Variants in CELSR2 observed in about 807,000 individuals in gnomAD.
CELSR2 encodes the protein EGF-like protein 2.
In CELSR2, 81 loss-of-function variants were observed where a neutral mutation model predicts 251.6. The ratio of observed to expected loss-of-function variants is 0.32; its 90% CI spans 0.27 to 0.39. The LOEUF (loss-of-function observed/expected upper bound fraction) is 0.39. CELSR2 is among the 10% of genes least tolerant of loss of function. CELSR2 has a pLI of 1.00. For synonymous variants in CELSR2, 1,721 were observed against 1,670.5 expected, an observed-to-expected ratio of 1.03 and a Z score of -0.74; for missense variants, 3,365 against 3,947.7, an observed-to-expected ratio of 0.85 and a Z score of 3.96.
rs2101283890 is a variant in CELSR2, at chr1:109,272,911, A to T, written c.8222A>T (p.Asp2741Val). The change falls in exon 31 of 34, where the codon GAC (aspartate) becomes GTC (valine). Residue 2741 changes from aspartate (D) to valine (V), a missense_variant. This residue lies in a region of CELSR2 where 2,093 missense variants were observed against 2,382.8 expected (regional missense o/e 0.88). Transcript: ENST00000271332. Reference sequence around the variant, plus strand: ...TCCTATGCCTCTACCCACTCATCAGACAGTGAGGAGGAAGAAGAGGAGGAG... The same window carrying T: ...TCCTATGCCTCTACCCACTCATCAGTCAGTGAGGAGGAAGAAGAGGAGGAG... ...SGSYASTHSS[D>V]SEEEEEEEEE... The T allele has an allele frequency of 6.2e-7, 1 of 1,613,930 alleles. No individual in the cohort carries two copies. Among genetic ancestry groups the T allele is most frequent in the South Asian group, 1.1e-5 (1 of 91,074 alleles).
intron 9 of CELSR2, 113 bp downstream of exon 9, chr1:109,263,890 G>A (rs1656107701): frequency 1.4e-6 from 2 of 1,430,454 alleles, no homozygotes; most frequent in Middle Eastern, 2.3e-4. Flanking sequence ...GACATATAGA[G>A]GCCGCTGGAT....
In CELSR2 at chr1:109,273,678, T is replaced by C; in HGVS notation, c.8744+8T>C. 1.9e-6 allele frequency: 1 copy of C among 518,670 alleles called. No individual in the cohort carries two copies. Among genetic ancestry groups the C allele is most frequent in the Non-Finnish European group, 3.3e-6 (1 of 301,284 alleles). 32.1% of individuals were successfully genotyped at this position (518,670 alleles called of 1,614,324 possible). A position where few individuals can be genotyped will look rare whatever the true frequency, so the allele number is the denominator to read the frequency against. ...GGACTCGTCAGGCTCCGAGTGAGTG[T>C]GGCCGGGTGGGCGGGACGGGGTGCA... On this transcript the variant is annotated splice_region_variant and intron_variant, in intron 33 of 33. Coordinates refer to ENST00000271332, the MANE Select transcript of CELSR2 (RefSeq NM_001408.3).
At chr1:109,262,202 C>T in intron 5 of CELSR2, 85 bp from the exon 6 acceptor site, 1 of 1,544,762 alleles carries the variant, frequency 6.5e-7, no homozygotes, top group Non-Finnish European at 8.8e-7. Context: ...TGTGGGTGCA[C>T]ACAGAGGCAC....
chr1:109,262,158 T>C (rs1168070439), intron 5 of CELSR2, 129 bp from the exon 6 acceptor site: 2 of 1,274,190 alleles, frequency 1.6e-6, no homozygotes, highest in African/African-American at 2.9e-5. Context: ...AGCACACGTG[T>C]GTGTATATGC....
Position 109,269,581 on chromosome 1 carries a change from C to T in CELSR2, c.6970C>T (p.His2324Tyr). Reference protein sequence around the residue: ...RTKPICVFWNHSILVSGTGGW... With the variant: ...RTKPICVFWNYSILVSGTGGW... The stretch of plus-strand genomic sequence containing the variant: ...CAAGCCCATCTGTGTCTTCTGGAAC[C>T]ATTCAATCCTGTGAGCCTGCACTGC... Residue 2324 changes from histidine to tyrosine, a missense_variant, in exon 21 of 34, where the codon CAT becomes TAT. Around this residue, in one of 5 missense-constraint regions of CELSR2, gnomAD observed 2,093 missense variants for 2,382.8 expected, o/e 0.88. Coordinates refer to ENST00000271332, the MANE Select transcript of CELSR2 (RefSeq NM_001408.3). The surrounding 1 kb of genome is among the most constrained non-coding windows in gnomAD (Gnocchi z 6.4). 5 of 1,614,104 alleles carry T rather than the reference C, an allele frequency of 3.1e-6. No homozygotes were observed. Among genetic ancestry groups the T allele is most frequent in the Non-Finnish European group, 4.2e-6 (5 of 1,180,002 alleles).
Position 109,272,915 on chromosome 1 carries a change from T to TGAGGAGGAAGAA in CELSR2, c.8235_8246dup (p.Glu2749_Glu2752dup), listed in dbSNP as rs773722162. The stretch of plus-strand genomic sequence containing the variant: ...ATGCCTCTACCCACTCATCAGACAG[T>TGAGGAGGAAGAA]GAGGAGGAAGAAGAGGAGGAGGAAG... On this transcript the variant is annotated inframe_insertion, in exon 31 of 34. Transcript: ENST00000271332. The TGAGGAGGAAGAA allele has an allele frequency of 3.3e-5, 53 of 1,613,006 alleles. No homozygotes were observed. The highest frequency in any genetic ancestry group is 4.0e-5 in the Non-Finnish European group (47 of 1,179,784).
intron 1 of CELSR2, among the ~76,000 whole-genome samples, chr1:109,255,456 C>G (rs1655819757): frequency 6.6e-6 from 1 of 152,204 alleles, no homozygotes; most frequent in Non-Finnish European, 1.5e-5. Context: ...GCCGATGGCT[C>G]CCCTGGAGGC....
intron 33 of CELSR2, 102 bp from the exon 34 acceptor site, chr1:109,273,920 G>A (rs1656451179): frequency 2.0e-6 from 3 of 1,473,218 alleles, no homozygotes; most frequent in Non-Finnish European, 2.9e-6. Context: ...AGCTGGGGGT[G>A]CTTTCCTGTT....
At position 109,250,628 on chromosome 1, in the gene CELSR2, C is replaced by T. The variant is rs187480022; in HGVS notation, c.549C>T (p.Pro183=). 1.2e-6 allele frequency: 2 copies of T among 1,614,000 alleles called. No homozygotes were observed. The highest frequency in any genetic ancestry group is 1.3e-5 in the African/African-American group (1 of 75,038). The change falls in exon 1 of 34, where the codon CCC becomes CCT. Residue 183 remains proline (P), a synonymous_variant. Transcript: ENST00000271332. The surrounding 1 kb of genome is among the most constrained non-coding windows in gnomAD (Gnocchi z 4.4). ...TAAATACAGCCCCCCAGTTCCAGCC[C>T]CCCAGCTACCAGGCCACAGTGCCGG... is the stretch of plus-strand genomic sequence containing the variant. The part of the protein sequence containing the change: ...RNVNTAPQFQ[P]PSYQATVPEN...
rs1655749430 is a variant in CELSR2, at chr1:109,253,219, G to T, written c.3140G>T (p.Gly1047Val). 6.2e-7 allele frequency: 1 copy of T among 1,613,388 alleles called. No individual in the cohort carries two copies. The highest frequency in any genetic ancestry group is 1.3e-5 in the African/African-American group (1 of 74,942). The change falls in exon 1 of 34, where the codon GGC becomes GTC. Residue 1047 changes from glycine (G) to valine (V), a missense_variant. Around this residue, in one of 5 missense-constraint regions of CELSR2, gnomAD observed 505 missense variants for 660.0 expected, o/e 0.77. Coordinates refer to ENST00000271332, the MANE Select transcript of CELSR2 (RefSeq NM_001408.3). Reference sequence around the variant, plus strand: ...AGCAGCTTCCCTGGGGGTGCCATTGGCCGAGTACCTGCCCATGACCCTGAT... The same window carrying T: ...AGCAGCTTCCCTGGGGGTGCCATTGTCCGAGTACCTGCCCATGACCCTGAT... The part of the protein sequence containing the change: ...RSSSFPGGAI[G>V]RVPAHDPDIS...
chr1:109,252,182 T>A lies in CELSR2; in HGVS notation c.2103T>A (p.Asn701Lys), dbSNP rs778894363. ...AGGACACGGCACAGATTGTGGTGAATGTCACCGACGCCAACACCCATCGTC... is the reference window on the plus strand; with the variant it reads ...AGGACACGGCACAGATTGTGGTGAAAGTCACCGACGCCAACACCCATCGTC... ...TRQDTAQIVV[N>K]VTDANTHRPV... is the part of the protein sequence containing the mutation. The change falls in exon 1 of 34, where the codon AAT becomes AAA. Residue 701 changes from asparagine to lysine, a missense_variant. Asn to Lys is a moderately conservative substitution (Grantham distance 94). Coordinates refer to ENST00000271332, the MANE Select transcript of CELSR2 (RefSeq NM_001408.3). This position sits in a 1 kb window ranked among gnomAD's most constrained non-coding sequence, Gnocchi z 4.8. 1.9e-6 allele frequency: 3 copies of A among 1,613,874 alleles called. No homozygotes were observed. The highest frequency in any genetic ancestry group is 2.5e-6 in the Non-Finnish European group (3 of 1,180,036).
Position 109,268,077 on chromosome 1 carries a change from G to T in CELSR2, c.6318+17G>T. 1 of 1,579,480 alleles carries T rather than the reference G, an allele frequency of 6.3e-7. No homozygotes were observed. The highest frequency in any genetic ancestry group is 8.6e-7 in the Non-Finnish European group (1 of 1,162,134). ...TTCACTGAGGTGGGGCTTGGAGGAT[G>T]CAGGGCTGGCTGGTTAGATAGGGGT... On this transcript the variant is annotated intron_variant, in intron 17 of 33. Transcript: ENST00000271332.
rs1265447152 is a variant in CELSR2, at chr1:109,273,471, G to A, written c.8545G>A (p.Glu2849Lys). 17 of 1,612,436 alleles carry A rather than the reference G, an allele frequency of 1.1e-5. No individual in the cohort carries two copies. Among genetic ancestry groups the A allele is most frequent in the African/African-American group, 2.7e-5 (2 of 74,922 alleles). The change falls in exon 33 of 34, where the codon GAG (glutamate) becomes AAG (lysine). Residue 2849 changes from glutamate to lysine, a missense_variant. Physicochemically the swap from Glu to Lys is moderately conservative, Grantham distance 56. Coordinates refer to ENST00000271332, the MANE Select transcript of CELSR2 (RefSeq NM_001408.3). The stretch of plus-strand genomic sequence containing the variant: ...GAAGAAGTGTCTGCCCACCATCAGC[G>A]AGAAGAGCAGCCTCCTGCGGCTCCC... Reference protein sequence around the residue: ...LKKKCLPTISEKSSLLRLPLE... With the variant: ...LKKKCLPTISKKSSLLRLPLE...
chr1:109,263,839 GCTGGACAGAAGTGGCTGGGCAGGTC>G, intron 9 of CELSR2, 62 bp downstream of exon 9: 1 of 1,569,950 alleles, frequency 6.4e-7, no homozygotes, highest in South Asian at 1.2e-5. Flanking sequence ...CCTCTAGGCG[GCTGGACAGAAGTGGCTGGGCAGGTC>G]CTGGGCAGGG....
In CELSR2 at chr1:109,271,255, C is replaced by G; in HGVS notation, c.7635C>G (p.Ser2545=). 4 of 1,614,066 alleles carry G rather than the reference C, an allele frequency of 2.5e-6. No individual in the cohort carries two copies. Among genetic ancestry groups the G allele is most frequent in the Non-Finnish European group, 3.4e-6 (4 of 1,180,022 alleles). The change falls in exon 26 of 34, where the codon TCC becomes TCG. Residue 2545 remains serine (S), a synonymous_variant. Transcript: ENST00000271332. ...TGTACATCCTGGCGGCCCGGGCCTCCTGTGCTGCCCAGCGGCAGGGCTTTG... is the reference window on the plus strand; with the variant it reads ...TGTACATCCTGGCGGCCCGGGCCTCGTGTGCTGCCCAGCGGCAGGGCTTTG... ...VFLYILAARA[S]CAAQRQGFEK...
rs757341694 is a variant in CELSR2 at position 109,250,349 on chromosome 1, G to C, written c.270G>C (p.Leu90=). The C allele has an allele frequency of 4.3e-6, 7 of 1,613,408 alleles. No individual in the cohort carries two copies. In the East Asian group the frequency reaches 1.6e-4, roughly 36 times the overall value. The change falls in exon 1 of 34, where the codon CTG becomes CTC. Residue 90 remains leucine, a synonymous_variant. Transcript: ENST00000271332. The surrounding 1 kb of genome is among the most constrained non-coding windows in gnomAD (Gnocchi z 4.4). ...TGHLVPHHDG[L]RVWCPESEAH... Reference sequence around the variant, plus strand: ...ACCTGGTACCCCACCACGATGGCCTGAGGGTTTGGTGTCCAGAATCCGAGG... The same window carrying C: ...ACCTGGTACCCCACCACGATGGCCTCAGGGTTTGGTGTCCAGAATCCGAGG...
Position 109,262,794 on chromosome 1 carries a change from T to G in CELSR2, c.4545-12T>G. ...GCCCTCCCTTGTGCCGCCACCATCTTTGCTCCCCCAGGTCTCTGGATCTGA... is the reference window on the plus strand; with the variant it reads ...GCCCTCCCTTGTGCCGCCACCATCTGTGCTCCCCCAGGTCTCTGGATCTGA... On this transcript the variant is annotated splice_polypyrimidine_tract_variant and intron_variant, in intron 6 of 33. Coordinates refer to ENST00000271332, the MANE Select transcript of CELSR2 (RefSeq NM_001408.3). 1 of 1,608,036 alleles carries G rather than the reference T, an allele frequency of 6.2e-7. No homozygotes were observed. Among genetic ancestry groups the G allele is most frequent in the Non-Finnish European group, 8.5e-7 (1 of 1,176,096 alleles).
rs1159425937 is a variant in CELSR2, at chr1:109,270,482, C to T, written c.7365C>T (p.Ser2455=). ...ACTTCCTGTACCTCTGCACCTTTTC[C>T]TGGGCTCTGCTGGAGGCCTTGCACC... The part of the protein sequence containing the change: ...LLHFLYLCTF[S]WALLEALHLY... The change falls in exon 24 of 34, where the codon TCC becomes TCT. Residue 2455 remains serine, a synonymous_variant. Coordinates refer to ENST00000271332, the MANE Select transcript of CELSR2 (RefSeq NM_001408.3). 6 of 1,614,226 alleles carry T rather than the reference C, an allele frequency of 3.7e-6. No homozygotes were observed. The highest frequency in any genetic ancestry group is 5.1e-6 in the Non-Finnish European group (6 of 1,180,050).
intron 15 of CELSR2, among the ~76,000 whole-genome samples, chr1:109,266,691 G>A (rs368926946): frequency 2.0e-5 from 3 of 147,456 alleles, no homozygotes; most frequent in South Asian, 2.2e-4. Context: ...GATTACAGGC[G>A]TGAGCCACTG....
Sources: allele counts gnomAD v4.1 joint callset (sites outside exome capture counted in the v4.1 genomes callset), GRCh38; gene constraint gnomAD v4.1.1; regional missense constraint gnomAD v4.1.1; non-coding constraint Gnocchi (gnomAD v3.1); transcripts MANE v1.5; gene names NCBI Gene and HGNC (gene_info 2026-07-23, HGNC 2026-07-21).